The following PDE8B variants were observed in gnomAD, a reference collection of about 807,000 sequenced individuals.
The protein encoded by PDE8B is high affinity cAMP-specific and IBMX-insensitive 3',5'-cyclic phosphodiesterase 8B.
PDE8B carries 26 observed loss-of-function variants against 101.3 expected under a neutral mutation model. The ratio of observed to expected loss-of-function variants is 0.26; its 90% CI spans 0.19 to 0.36. PDE8B has a LOEUF of 0.36. PDE8B is among the 10% of genes least tolerant of loss of function. The pLI is 1.00. For missense variants in PDE8B, 810 were observed against 1,163.1 expected, an observed-to-expected ratio of 0.70 and a Z score of 4.42; for synonymous variants, 424 against 429.3, an observed-to-expected ratio of 0.99 and a Z score of 0.15.
At chr5:77,192,486 C>CTGTTGTGTATATCAGTAGTT in the PDE8B span, among the ~76,000 whole-genome samples, 1 of 151,996 alleles carries the variant, frequency 6.6e-6, no homozygotes, top group Non-Finnish European at 1.5e-5. Flanking sequence ...TTCATACATG[C>CTGTTGTGTATATCAGTAGTT]TGTTGTGTAT....
chr5:77,129,635 A>G, the PDE8B span, among the ~76,000 whole-genome samples: 2 of 152,084 alleles, frequency 1.3e-5, no homozygotes, highest in Non-Finnish European at 1.5e-5. Context: ...TTTCACAGTA[A>G]TTTGCTGTGG....
At chr5:77,109,582 A>G in the PDE8B span, among the ~76,000 whole-genome samples, 1 of 152,194 alleles carries the variant, frequency 6.6e-6, no homozygotes, top group Non-Finnish European at 1.5e-5. Flanking sequence ...GCTCAAGCCC[A>G]TCTCTACCTG....
At chr5:77,328,814 A>G (rs1389155965) in intron 3 of PDE8B, among the ~76,000 whole-genome samples, 184 bp from the exon 4 acceptor site, 7 of 152,226 alleles carry the variant, frequency 4.6e-5, no homozygotes, top group Non-Finnish European at 7.4e-5. Context: ...AAATTTTTTA[A>G]CGAAATGAAG....
At chr5:77,116,535 C>G in the PDE8B span, among the ~76,000 whole-genome samples, 2 of 152,144 alleles carry the variant, frequency 1.3e-5, no homozygotes, top group African/African-American at 4.8e-5. Context: ...AGCCACCACG[C>G]CCAGCCTCTC....
At chr5:77,344,700 T>A (rs1214781198) in intron 6 of PDE8B, among the ~76,000 whole-genome samples, 153 bp from the exon 7 acceptor site, 1 of 152,210 alleles carries the variant, frequency 6.6e-6, no homozygotes, top group African/African-American at 2.4e-5. Context: ...TTCCAACATA[T>A]GAACTGTTGG....
In PDE8B at chr5:77,337,443, A is replaced by G. The variant is rs958796439; in HGVS notation, c.797+128A>G. The G allele has an allele frequency of 4.3e-6, 3 of 699,172 alleles. No individual in the cohort carries two copies. In the Admixed American group the frequency reaches 6.1e-5, roughly 14 times the overall value. 43.3% of individuals were successfully genotyped at this position (699,172 alleles called of 1,614,324 possible). ...TTTTGAAGCTTTTAAACAGGCAATG[A>G]ATGGCAGCTGGCCAACAGCAGTATC... On this transcript the variant is annotated intron_variant, in intron 6 of 21. Coordinates refer to ENST00000264917, the MANE Select transcript of PDE8B (RefSeq NM_003719.5).
chr5:77,154,600 C>T, the PDE8B span, among the ~76,000 whole-genome samples: 2 of 152,154 alleles, frequency 1.3e-5, no homozygotes, highest in African/African-American at 4.8e-5. Context: ...GGCATGCCAT[C>T]CTTGTACCAC....
chr5:77,090,721 A>G, the PDE8B span, among the ~76,000 whole-genome samples: 1 of 152,160 alleles, frequency 6.6e-6, no homozygotes, highest in Middle Eastern at 3.2e-3. Context: ...AAATGGTAAG[A>G]GTTCCTTTTT....
chr5:77,120,660 C>T, the PDE8B span, among the ~76,000 whole-genome samples: 2 of 152,194 alleles, frequency 1.3e-5, no homozygotes, highest in Non-Finnish European at 2.9e-5. Flanking sequence ...CTTTCAACTT[C>T]TCTGTATGCT....
At chr5:77,182,427 T>C in the PDE8B span, among the ~76,000 whole-genome samples, 1 of 152,140 alleles carries the variant, frequency 6.6e-6, no homozygotes, top group Non-Finnish European at 1.5e-5. Context: ...TAGAAAGTCC[T>C]GGTAAAGTTT....
intron 10 of PDE8B, among the ~76,000 whole-genome samples, chr5:77,364,541 G>C (rs1783757255): frequency 1.3e-5 from 2 of 152,172 alleles, no homozygotes; most frequent in Non-Finnish European, 2.9e-5. Context: ...TTTGCTGAAG[G>C]CTAGGTTTCC....
the PDE8B span, among the ~76,000 whole-genome samples, chr5:77,152,681 G>A: frequency 6.6e-6 from 1 of 152,194 alleles, no homozygotes; most frequent in Non-Finnish European, 1.5e-5. Context: ...GCCTGGATGG[G>A]CAGCATGACG....
At position 77,360,713 on chromosome 5, in the gene PDE8B, C is replaced by A. The variant is rs568095554; in HGVS notation, c.1167+7307C>A. On this transcript the variant is annotated intron_variant, in intron 10 of 21. Coordinates refer to ENST00000264917, the MANE Select transcript of PDE8B (RefSeq NM_003719.5). ...ATTTACCCAGTCACCCCCATCCTAA[C>A]CTGGGAACCACCTTTAGCATCCTTG... Among the ~76,000 whole-genome samples, 13 of 152,260 alleles carry A rather than the reference C, an allele frequency of 8.5e-5. No individual in the cohort carries two copies. In the East Asian group the frequency reaches 1.7e-3, roughly 20 times the overall value.
At chr5:77,389,463 C>T (rs889470980) in intron 10 of PDE8B, among the ~76,000 whole-genome samples, 1 of 151,946 alleles carries the variant, frequency 6.6e-6, no homozygotes, top group South Asian at 2.1e-4. Flanking sequence ...ACAGAATTCA[C>T]CTGCCTTCTG....
chr5:77,403,456 C>T (rs994215521), intron 11 of PDE8B, among the ~76,000 whole-genome samples: 1 of 152,012 alleles, frequency 6.6e-6, no homozygotes, highest in African/African-American at 2.4e-5. Context: ...TGCCAAAATT[C>T]GTCTGAATTA....
rs138571449 is a variant in PDE8B at position 77,342,214 on chromosome 5, A to G, written c.798-2639A>G. 1.1e-3 allele frequency among the ~76,000 whole-genome samples: 160 copies of G among 152,358 alleles called. 1 individual carries two copies. The highest frequency in any genetic ancestry group is 3.7e-3 in the African/African-American group (152 of 41,588). On this transcript the variant is annotated intron_variant, in intron 6 of 21. Transcript: ENST00000264917. Reference sequence around the variant, plus strand: ...GTATTACTCTGTGATCTTAAACATAACAACAGGTATCTACATGTGTTGTAT... The same window carrying G: ...GTATTACTCTGTGATCTTAAACATAGCAACAGGTATCTACATGTGTTGTAT...
rs552018903 is a variant in PDE8B at position 77,275,016 on chromosome 5, A to G, written c.340-36978A>G. Among the ~76,000 whole-genome samples, 4 of 152,270 alleles carry G rather than the reference A, an allele frequency of 2.6e-5. No individual in the cohort carries two copies. In the East Asian group the frequency reaches 7.7e-4, roughly 29 times the overall value. On this transcript the variant is annotated intron_variant, in intron 1 of 21. Coordinates refer to ENST00000264917, the MANE Select transcript of PDE8B (RefSeq NM_003719.5). ...TTTCAAGATACTGAGAAATGCAAAA[A>G]AAATGTAAAAACCAAGCATAATATC... is the stretch of plus-strand genomic sequence containing the variant.
At position 77,230,424 on chromosome 5, in the gene PDE8B, G is replaced by A. The variant is rs530737816; in HGVS notation, c.339+19160G>A. On this transcript the variant is annotated intron_variant, in intron 1 of 21. Coordinates refer to ENST00000264917, the MANE Select transcript of PDE8B (RefSeq NM_003719.5). ...TGTGGGGCCCTATCCCAGAGCTCTGGAAGCACAATCTCAAGGGGTCTGCCC... is the reference window on the plus strand; with the variant it reads ...TGTGGGGCCCTATCCCAGAGCTCTGAAAGCACAATCTCAAGGGGTCTGCCC... Among the ~76,000 whole-genome samples the A allele has an allele frequency of 1.8e-4, 28 of 152,264 alleles. No homozygotes were observed. The South Asian group carries it at 4.4e-3, about 24-fold the overall frequency.
At chr5:77,166,019 G>C in the PDE8B span, among the ~76,000 whole-genome samples, 1 of 147,778 alleles carries the variant, frequency 6.8e-6, no homozygotes, top group Admixed American at 6.7e-5. Flanking sequence ...GGAAAGATAA[G>C]AGCTTGGATT....
Sources: allele counts gnomAD v4.1 joint callset (sites outside exome capture counted in the v4.1 genomes callset), GRCh38; gene constraint gnomAD v4.1.1; transcripts MANE v1.5; gene names NCBI Gene and HGNC (gene_info 2026-07-23, HGNC 2026-07-21).